LPP: variants seen among roughly 807,000 people sequenced by gnomAD.
The protein encoded by LPP is lipoma-preferred partner.
In LPP, 38 loss-of-function variants were observed where a neutral mutation model predicts 60.4. The ratio of observed to expected loss-of-function variants is 0.63; its 90% CI spans 0.49 to 0.83. The LOEUF (loss-of-function observed/expected upper bound fraction) is 0.83. LPP is among the 40% of genes least tolerant of loss of function. LPP has a pLI of 0.00. For missense variants in LPP, 902 were observed against 783.6 expected (o/e 1.15, Z -1.80); for synonymous variants, 328 against 290.8 (o/e 1.13, Z -1.30).
chr3:188,552,750 A>G (rs180906559), intron 6 of LPP, among the ~76,000 whole-genome samples: 1 of 152,194 alleles, frequency 6.6e-6, no homozygotes. Context: ...TTTGCTTTTA[A>G]GAACTCATGT....
intron 2 of LPP, among the ~76,000 whole-genome samples, chr3:188,310,606 G>C (rs1753094391): frequency 6.6e-6 from 1 of 152,122 alleles, no homozygotes; most frequent in Non-Finnish European, 1.5e-5. Context: ...CATCACTTTG[G>C]CCACCACCTA....
intron 2 of LPP, among the ~76,000 whole-genome samples, chr3:188,330,859 GTAAATAAATAAATAAATAAA>G (rs57059911): frequency 6.7e-6 from 1 of 149,410 alleles, no homozygotes; most frequent in Non-Finnish European, 1.5e-5. Flanking sequence ...AAGTAAGTAA[GTAAATAAATAAATAAATAAA>G]TAAATAAATA....
At chr3:188,775,669 C>T (rs1023848899) in intron 9 of LPP, among the ~76,000 whole-genome samples, 14 of 152,168 alleles carry the variant, frequency 9.2e-5, no homozygotes, top group African/African-American at 4.8e-5. Context: ...GCTGGAATAA[C>T]GATGTGTTCT....
chr3:188,754,464 C>A (rs908572747), intron 8 of LPP, among the ~76,000 whole-genome samples: 5 of 152,070 alleles, frequency 3.3e-5, no homozygotes, highest in South Asian at 4.1e-4. Flanking sequence ...GTTTTGCATG[C>A]GGACGAAACC....
intron 6 of LPP, among the ~76,000 whole-genome samples, chr3:188,579,744 G>C (rs1218989297): frequency 1.3e-5 from 2 of 151,544 alleles, no homozygotes; most frequent in East Asian, 3.9e-4. Context: ...ATGATCCCAT[G>C]AGCACAGGAG....
chr3:188,534,454 G>A (rs975089969), intron 6 of LPP, among the ~76,000 whole-genome samples: 2 of 152,168 alleles, frequency 1.3e-5, no homozygotes, highest in Non-Finnish European at 2.9e-5. Flanking sequence ...CAAAATTAAA[G>A]AGTGTTCTTG....
intron 2 of LPP, among the ~76,000 whole-genome samples, chr3:188,226,228 T>G (rs1717697009): frequency 6.6e-6 from 1 of 152,056 alleles, no homozygotes; most frequent in Non-Finnish European, 1.5e-5. Flanking sequence ...AGGCTGGTCT[T>G]GAACTCCTGA....
At chr3:188,618,633 G>A (rs904899244) in intron 7 of LPP, among the ~76,000 whole-genome samples, 1 of 152,194 alleles carries the variant, frequency 6.6e-6, no homozygotes, top group Non-Finnish European at 1.5e-5. Context: ...TAAAACTTCT[G>A]AGTAGTATTT....
At chr3:188,227,276 T>C (rs969852225) in intron 2 of LPP, among the ~76,000 whole-genome samples, 2 of 151,490 alleles carry the variant, frequency 1.3e-5, no homozygotes, top group African/African-American at 2.4e-5. Flanking sequence ...CATGCTGGTG[T>C]GCTGCACCCA....
chr3:188,208,218 A>G (rs1733823682), intron 1 of LPP: 1 of 152,182 alleles, frequency 6.6e-6, no homozygotes. Flanking sequence ...GAGAATCCTG[A>G]CAAGTGGCAT....
intron 1 of LPP, among the ~76,000 whole-genome samples, chr3:188,199,545 A>G (rs1274581710): frequency 6.6e-6 from 1 of 152,120 alleles, no homozygotes; most frequent in Admixed American, 6.5e-5. Context: ...AATCAGGAAA[A>G]CAAAGGTCAA....
intron 2 of LPP, among the ~76,000 whole-genome samples, chr3:188,323,143 C>T (rs140137277): frequency 7.5e-4 from 114 of 152,172 alleles, no homozygotes; most frequent in African/African-American, 2.6e-3. Flanking sequence ...CTGTACTGCC[C>T]GCACAGCACA....
At chr3:188,426,103 C>T (rs911071079) in intron 4 of LPP, among the ~76,000 whole-genome samples, 3 of 150,010 alleles carry the variant, frequency 2.0e-5, no homozygotes, top group African/African-American at 5.1e-5. Flanking sequence ...CTATAAATTC[C>T]CCTCTAAACA....
chr3:188,734,909 G>T (rs1177156959), intron 8 of LPP, among the ~76,000 whole-genome samples: 6 of 152,184 alleles, frequency 3.9e-5, no homozygotes, highest in African/African-American at 1.4e-4. Flanking sequence ...GGAGACACTC[G>T]GTGTCACCCC....
chr3:188,420,288 C>G (rs1185158515), intron 4 of LPP, among the ~76,000 whole-genome samples: 1 of 152,084 alleles, frequency 6.6e-6, no homozygotes, highest in Non-Finnish European at 1.5e-5. Flanking sequence ...AGTAGAATTA[C>G]TTTACTTGAA....
intron 7 of LPP, among the ~76,000 whole-genome samples, chr3:188,654,315 A>T (rs1466754572): frequency 6.6e-6 from 1 of 152,254 alleles, no homozygotes; most frequent in Non-Finnish European, 1.5e-5. Context: ...CAGTGACCTC[A>T]GGGAAAGGAG....
At chr3:188,298,978 A>G (rs1748835823) in intron 2 of LPP, among the ~76,000 whole-genome samples, 1 of 152,192 alleles carries the variant, frequency 6.6e-6, no homozygotes, top group African/African-American at 2.4e-5. Flanking sequence ...CTCTTGCCCC[A>G]GGCCCTAAGC....
At chr3:188,490,475 C>T (rs1807992444) in intron 5 of LPP, among the ~76,000 whole-genome samples, 1 of 151,818 alleles carries the variant, frequency 6.6e-6, no homozygotes, top group Admixed American at 6.6e-5. Context: ...ATTCTCCTGT[C>T]TCAGCCCACC....
At chr3:188,319,654 G>A (rs1473767919) in intron 2 of LPP, among the ~76,000 whole-genome samples, 3 of 152,192 alleles carry the variant, frequency 2.0e-5, no homozygotes, top group African/African-American at 7.2e-5. Context: ...ATGTTTGTCT[G>A]TTGAAGCTGG....
Sources: allele counts gnomAD v4.1 joint callset (sites outside exome capture counted in the v4.1 genomes callset), GRCh38; gene constraint gnomAD v4.1.1; transcripts MANE v1.5; gene names NCBI Gene and HGNC (gene_info 2026-07-23, HGNC 2026-07-21).